MS4A5: variants seen among roughly 807,000 people sequenced by gnomAD.
MS4A5 encodes the protein membrane-spanning 4-domains subfamily A member 5.
A neutral mutation model predicts 18.2 loss-of-function variants in MS4A5; 15 were observed. The observed-to-expected ratio is 0.83, with a 90% CI of 0.55 to 1.27. The LOEUF (loss-of-function observed/expected upper bound fraction) is 1.27, where lower values mean the gene tolerates loss of function less well. Among genes scored for constraint, MS4A5 ranks in the 50% most tolerant of loss-of-function variants. The pLI is 0.00. For missense variants in MS4A5, 232 were observed against 225.7 expected, an observed-to-expected ratio of 1.03 and a Z score of -0.18; for synonymous variants, 89 against 78.7, an observed-to-expected ratio of 1.13 and a Z score of -0.69.
At chr11:60,446,929 C>A (rs2086141501) in intron 4 of MS4A5, among the ~76,000 whole-genome samples, 1 of 151,908 alleles carries the variant, frequency 6.6e-6, no homozygotes, top group Non-Finnish European at 1.5e-5. Context: ...TTTATATATG[C>A]ATTTCTTTGC....
At chr11:60,436,009 C>T (rs562010854) in intron 4 of MS4A5, among the ~76,000 whole-genome samples, 8 of 152,334 alleles carry the variant, frequency 5.3e-5, no homozygotes, top group African/African-American at 1.9e-4. Context: ...ACAGCAGTAA[C>T]CTCTGCAGAC....
intron 4 of MS4A5, among the ~76,000 whole-genome samples, chr11:60,447,307 GTGCTATGCTATGCTA>G (rs1198924754): frequency 0.024 from 3,385 of 139,650 alleles, 59 homozygotes; most frequent in Middle Eastern, 0.068. Context: ...ATCCTATGCT[GTGCTATGCTATGCTA>G]TGCTATGCTA....
At position 60,429,616 on chromosome 11, in the gene MS4A5, A is replaced by G. The variant is rs888428240; in HGVS notation, c.-59A>G. 64 of 1,515,706 alleles carry G rather than the reference A, an allele frequency of 4.2e-5. No individual in the cohort carries two copies. The highest frequency in any genetic ancestry group is 2.1e-4 in the African/African-American group (15 of 71,504). The allele number at this position is 1,515,706 out of a possible 1,614,324, so 93.9% of individuals were successfully genotyped here. A position where few individuals can be genotyped will look rare whatever the true frequency, so the allele number is the denominator to read the frequency against. Reference sequence around the variant, plus strand: ...GGCAGCCTCAGCACAAGAAAAGAACATGGTCTAGACTGAAGTACCAACTAA... The same window carrying G: ...GGCAGCCTCAGCACAAGAAAAGAACGTGGTCTAGACTGAAGTACCAACTAA... On this transcript the variant is annotated 5_prime_UTR_variant, in exon 1 of 5. An upstream start codon of the reference 5' UTR is lost. Transcript: ENST00000300190.
intron 4 of MS4A5, among the ~76,000 whole-genome samples, chr11:60,434,891 A>C (rs555095492): frequency 2.0e-5 from 3 of 152,342 alleles, no homozygotes; most frequent in South Asian, 4.1e-4. Flanking sequence ...AAGACTTAAG[A>C]GAGATTTTCT....
intron 4 of MS4A5, chr11:60,435,309 T>C (rs2086072575): frequency 1.2e-5 from 5 of 409,642 alleles, no homozygotes; most frequent in Non-Finnish European, 2.3e-5. Flanking sequence ...TAACAACTAA[T>C]AGAAACAGAA....
At position 60,444,681 on chromosome 11, in the gene MS4A5, C is replaced by G. The variant is rs1266601717; in HGVS notation, c.493-2968C>G. ...GAACGTGCTCAACATTATTAATCAT[C>G]AGATAAATGCAAATTAAAATCACAA... On this transcript the variant is annotated intron_variant, in intron 4 of 4. Transcript: ENST00000300190. Among the ~76,000 whole-genome samples the G allele has an allele frequency of 2.6e-5, 4 of 152,100 alleles. No homozygotes were observed. In the East Asian group the frequency reaches 7.7e-4, roughly 29 times the overall value.
Position 60,433,792 on chromosome 11 carries a change from C to G in MS4A5, c.367C>G (p.Leu123Val), listed in dbSNP as rs753173269. 2.5e-6 allele frequency: 4 copies of G among 1,613,914 alleles called. No homozygotes were observed. In the South Asian group the frequency reaches 4.4e-5, roughly 18 times the overall value. Residue 123 changes from leucine to valine, a missense_variant, in exon 4 of 5, where the codon CTT becomes GTT. Coordinates refer to ENST00000300190, the MANE Select transcript of MS4A5 (RefSeq NM_023945.3). ...LIILSRIMNFLSALGAIAGII... is the reference protein window; with the variant it reads ...LIILSRIMNFVSALGAIAGII... ...AATATTGAGCCGAATAATGAATTTT[C>G]TTAGTGCCCTGGGAGCAATAGCTGG... is the stretch of plus-strand genomic sequence containing the variant.
At chr11:60,432,637 T>A (rs1375836031) in intron 3 of MS4A5, among the ~76,000 whole-genome samples, 170 bp downstream of exon 3, 1 of 151,718 alleles carries the variant, frequency 6.6e-6, no homozygotes, top group East Asian at 1.9e-4. Context: ...AATACAAAAT[T>A]AGCCAGGTGT....
chr11:60,438,696 C>T (rs990231569), intron 4 of MS4A5, among the ~76,000 whole-genome samples: 10 of 151,886 alleles, frequency 6.6e-5, no homozygotes, highest in African/African-American at 2.4e-4. Flanking sequence ...AATTCCTCGA[C>T]ACATACACTG....
At chr11:60,436,408 GA>G (rs2086080968) in intron 4 of MS4A5, among the ~76,000 whole-genome samples, 3 of 139,760 alleles carry the variant, frequency 2.1e-5, no homozygotes, top group South Asian at 2.3e-4. Context: ...ACCAGCAACG[GA>G]ACAAAGCTGG....
chr11:60,442,317 G>T (rs533126768), intron 4 of MS4A5, among the ~76,000 whole-genome samples: 10 of 152,176 alleles, frequency 6.6e-5, no homozygotes, highest in Non-Finnish European at 1.5e-4. Flanking sequence ...TTTGCAGTGA[G>T]AACACTTAAC....
chr11:60,433,028 A>T (rs1302029439), intron 3 of MS4A5, among the ~76,000 whole-genome samples: 1 of 152,172 alleles, frequency 6.6e-6, no homozygotes, highest in Non-Finnish European at 1.5e-5. Context: ...ATGTATGAAG[A>T]CACTGAGGCT....
chr11:60,436,437 C>T (rs184467115), intron 4 of MS4A5, among the ~76,000 whole-genome samples: 2 of 139,222 alleles, frequency 1.4e-5, no homozygotes, highest in African/African-American at 2.5e-5. Flanking sequence ...ATGACTTTGA[C>T]GAGTTGAGAG....
chr11:60,434,524 A>G (rs1254256812), intron 4 of MS4A5, among the ~76,000 whole-genome samples: 1 of 152,236 alleles, frequency 6.6e-6, no homozygotes, highest in Non-Finnish European at 1.5e-5. Context: ...AATACTTAAT[A>G]TTTGAATGCA....
Position 60,429,828 on chromosome 11 carries a change from G to T in MS4A5, c.153+1G>T. ...TGCTAGAAAAATGAAAATCTTAGGG[G>T]TAAGTAAGACTTGCCCCTATGTATA... On this transcript the variant is annotated splice_donor_variant, in intron 1 of 4. Coordinates refer to ENST00000300190, the MANE Select transcript of MS4A5 (RefSeq NM_023945.3). LOFTEE classifies it high-confidence loss of function. 6.2e-7 allele frequency: 1 copy of T among 1,612,680 alleles called. No homozygotes were observed. Among genetic ancestry groups the T allele is most frequent in the Non-Finnish European group, 8.5e-7 (1 of 1,179,592 alleles).
intron 4 of MS4A5, among the ~76,000 whole-genome samples, chr11:60,437,015 C>G (rs2086084118): frequency 7.4e-6 from 1 of 135,762 alleles, no homozygotes; most frequent in South Asian, 2.3e-4. Context: ...TTAAGGGCAG[C>G]CAGAGAGAAA....
chr11:60,438,468 A>T (rs1236885338), intron 4 of MS4A5, among the ~76,000 whole-genome samples: 4 of 152,166 alleles, frequency 2.6e-5, no homozygotes, highest in Non-Finnish European at 5.9e-5. Context: ...CTCTTCAAAA[A>T]ATTAATGAAT....
At chr11:60,447,307 G>GCTATGCTATGCTA (rs2086145589) in intron 4 of MS4A5, among the ~76,000 whole-genome samples, 1 of 139,644 alleles carries the variant, frequency 7.2e-6, no homozygotes. Context: ...ATCCTATGCT[G>GCTATGCTATGCTA]TGCTATGCTA....
In MS4A5 at chr11:60,430,918, TG is replaced by T. The variant is rs765668901; in HGVS notation, c.277del (p.Val93PhefsTer10). The T allele has an allele frequency of 2.5e-6, 4 of 1,611,614 alleles. No individual in the cohort carries two copies. The South Asian group carries it at 4.4e-5, about 18-fold the overall frequency. On this transcript the variant is annotated frameshift_variant, in exon 2 of 5. Coordinates refer to ENST00000300190, the MANE Select transcript of MS4A5 (RefSeq NM_023945.3). LOFTEE classifies it high-confidence loss of function. ...TTTCAGGATATCCATTCTGGGGCTC[TG>T]TTTTGGTGAGTATAGTCAATCAAGT... The part of the protein sequence containing the change: ...FLSGYPFWGS[V>X]LFINSGAFLI...
Sources: allele counts gnomAD v4.1 joint callset (sites outside exome capture counted in the v4.1 genomes callset), GRCh38; gene constraint gnomAD v4.1.1; transcripts MANE v1.5; gene names NCBI Gene and HGNC (gene_info 2026-07-23, HGNC 2026-07-21).